Variants in BABAM2 observed in about 807,000 individuals in gnomAD.
BABAM2 encodes BRISC and BRCA1 A complex member 2.
In BABAM2, 31 loss-of-function variants were observed where a neutral mutation model predicts 54.7. That is an observed-to-expected ratio of 0.57 (90% CI 0.43 to 0.77). The LOEUF is 0.77. Among genes scored for constraint, BABAM2 ranks in the 30% least tolerant of loss-of-function variants. The probability of loss-of-function intolerance (pLI) is 0.00; values close to 1 mark genes in which losing one functional copy is unlikely to be tolerated. For synonymous variants in BABAM2, 167 were observed against 162.9 expected (o/e 1.03, Z -0.19); for missense variants, 364 against 455.8 (o/e 0.80, Z 1.83).
chr2:28,201,996 G>C (rs1057114059), intron 7 of BABAM2, among the ~76,000 whole-genome samples: 2 of 152,130 alleles, frequency 1.3e-5, no homozygotes, highest in Middle Eastern at 3.2e-3. Flanking sequence ...AGTTGGCCAG[G>C]GGAACAATTG....
intron 5 of BABAM2, among the ~76,000 whole-genome samples, chr2:28,033,055 A>G (rs190061682): frequency 6.6e-6 from 1 of 152,144 alleles, no homozygotes; most frequent in African/African-American, 2.4e-5. Context: ...AAAGATCTCT[A>G]CTGCTACCCG....
At chr2:27,915,820 A>G (rs1666926684) in intron 2 of BABAM2, among the ~76,000 whole-genome samples, 1 of 151,994 alleles carries the variant, frequency 6.6e-6, no homozygotes, top group African/African-American at 2.4e-5. Context: ...CTACCCTGTC[A>G]TCAGTTTCCT....
At chr2:28,241,502 C>T in intron 9 of BABAM2, 109 bp downstream of exon 9, 7 of 812,596 alleles carry the variant, frequency 8.6e-6, no homozygotes, top group Non-Finnish European at 1.1e-5. Flanking sequence ...CACATGATAC[C>T]TTTTTTTTTT....
In BABAM2 at chr2:28,190,886, G is replaced by A. The variant is rs185775276; in HGVS notation, c.681-46316G>A. ...GAGAACATAGGAAAATAATCTTAGTGAATTTGGGCTTAGCAAAAATTTCTT... is the reference window on the plus strand; with the variant it reads ...GAGAACATAGGAAAATAATCTTAGTAAATTTGGGCTTAGCAAAAATTTCTT... On this transcript the variant is annotated intron_variant, in intron 7 of 11. Coordinates refer to ENST00000379624, the MANE Select transcript of BABAM2 (RefSeq NM_199191.3). Among the ~76,000 whole-genome samples the A allele has an allele frequency of 4.6e-3, 699 of 152,286 alleles. 1 individual carries two copies. Among genetic ancestry groups the A allele is most frequent in the Non-Finnish European group, 8.2e-3 (559 of 68,028 alleles).
chr2:28,172,948 C>T (rs980148854), intron 7 of BABAM2, among the ~76,000 whole-genome samples: 7 of 152,194 alleles, frequency 4.6e-5, no homozygotes, highest in African/African-American at 1.7e-4. Flanking sequence ...TGGTTGGTTT[C>T]TGGTGCAGCC....
At chr2:27,918,962 T>C (rs376881749) in intron 2 of BABAM2, among the ~76,000 whole-genome samples, 2 of 152,232 alleles carry the variant, frequency 1.3e-5, no homozygotes, top group East Asian at 1.9e-4. Flanking sequence ...CGTGCTAAGA[T>C]TACAGGCATG....
chr2:28,117,418 A>G (rs1481483260), intron 6 of BABAM2, among the ~76,000 whole-genome samples: 1 of 152,230 alleles, frequency 6.6e-6, no homozygotes, highest in Non-Finnish European at 1.5e-5. Flanking sequence ...ACCACTTCAA[A>G]CCAGCTTAGG....
chr2:27,941,817 A>G (rs1668910882), intron 3 of BABAM2, among the ~76,000 whole-genome samples: 1 of 152,186 alleles, frequency 6.6e-6, no homozygotes, highest in Non-Finnish European at 1.5e-5. Flanking sequence ...AAATTTAAAT[A>G]TATATTTTTT....
chr2:27,929,699 T>C (rs1667957475), intron 2 of BABAM2, 133 bp from the exon 3 acceptor site: 1 of 734,352 alleles, frequency 1.4e-6, no homozygotes, highest in Admixed American at 3.0e-5. Flanking sequence ...AAGGCTTTTA[T>C]TTTGTTCTGT....
intron 3 of BABAM2, among the ~76,000 whole-genome samples, chr2:27,975,790 G>C (rs556866913): frequency 6.6e-6 from 1 of 152,124 alleles, no homozygotes; most frequent in Admixed American, 6.5e-5. Context: ...GAAAATATTT[G>C]CAAATCATGT....
intron 7 of BABAM2, among the ~76,000 whole-genome samples, chr2:28,234,145 T>C (rs1681684315): frequency 1.3e-5 from 2 of 152,212 alleles, no homozygotes; most frequent in African/African-American, 4.8e-5. Context: ...TGGTTTTACC[T>C]ATGTCTAGTT....
chr2:27,991,985 AGT>A (rs1672814497), intron 4 of BABAM2, among the ~76,000 whole-genome samples: 2 of 152,180 alleles, frequency 1.3e-5, no homozygotes. Flanking sequence ...GAAGTGTATG[AGT>A]GTTTCAGTTT....
At chr2:28,122,376 G>T (rs548351229) in intron 6 of BABAM2, among the ~76,000 whole-genome samples, 9 of 152,286 alleles carry the variant, frequency 5.9e-5, no homozygotes, top group Admixed American at 5.9e-4. Context: ...GGCTGAGGCA[G>T]GAGGATCACT....
At chr2:27,900,058 T>C (rs2148274081) in intron 2 of BABAM2, among the ~76,000 whole-genome samples, 1 of 152,342 alleles carries the variant, frequency 6.6e-6, no homozygotes, top group Middle Eastern at 3.4e-3. Context: ...AACAAAACAA[T>C]GACAGAGTTA....
At chr2:27,984,753 A>G (rs1162669901) in intron 3 of BABAM2, among the ~76,000 whole-genome samples, 1 of 151,714 alleles carries the variant, frequency 6.6e-6, no homozygotes, top group Admixed American at 6.6e-5. Context: ...TACATGAATA[A>G]ATTCTTTAGC....
intron 11 of BABAM2, among the ~76,000 whole-genome samples, chr2:28,301,933 G>A (rs893958146): frequency 2.0e-5 from 3 of 152,054 alleles, no homozygotes; most frequent in Non-Finnish European, 4.4e-5. Flanking sequence ...CTTTTGACAA[G>A]TTTTGACGAA....
At chr2:28,040,647 C>A (rs1263150282) in intron 5 of BABAM2, among the ~76,000 whole-genome samples, 1 of 152,138 alleles carries the variant, frequency 6.6e-6, no homozygotes, top group South Asian at 2.1e-4. Context: ...CCAGTGCTGT[C>A]AGAAACAAGT....
At chr2:28,301,920 T>C (rs1272270112) in intron 11 of BABAM2, among the ~76,000 whole-genome samples, 2 of 152,244 alleles carry the variant, frequency 1.3e-5, no homozygotes, top group African/African-American at 2.4e-5. Flanking sequence ...GTTTTAAGTA[T>C]ATCTTTTGAC....
rs1029439888 is a variant in BABAM2, at chr2:28,338,595, C to T, written c.*82C>T. 7.3e-6 allele frequency: 11 copies of T among 1,511,840 alleles called. No individual in the cohort carries two copies. Among genetic ancestry groups the T allele is most frequent in the Admixed American group, 5.0e-5 (3 of 59,610 alleles). The allele number at this position is 1,511,840 out of a possible 1,614,324, so 93.7% of individuals were successfully genotyped here. A position where few individuals can be genotyped will look rare whatever the true frequency, so the allele number is the denominator to read the frequency against. ...ACATACAGCCGCTTCCTGGAAGCCG[C>T]CTGGAATGTCTTCACGGCAGCGTTT... On this transcript the variant is annotated 3_prime_UTR_variant, in exon 12 of 12. Transcript: ENST00000379624.
Sources: gnomAD v4.1 joint callset for allele counts (sites outside exome capture counted in the v4.1 genomes callset) on GRCh38, gnomAD v4.1.1 for gene constraint, MANE v1.5 for transcripts, NCBI Gene and HGNC (gene_info 2026-07-23, HGNC 2026-07-21) for gene names.